The following MYO16 variants were observed in gnomAD, a reference collection of about 807,000 sequenced individuals.
The protein encoded by MYO16 is myosin XVI, also known as unconventional myosin-XVI.
MYO16 carries 94 observed loss-of-function variants against 205.3 expected under a neutral mutation model. The ratio of observed to expected loss-of-function variants is 0.46; its 90% CI spans 0.39 to 0.54. The LOEUF (loss-of-function observed/expected upper bound fraction) is 0.54. MYO16 is among the 20% of genes least tolerant of loss of function. The pLI, the probability that MYO16 is intolerant of heterozygous loss-of-function variation, is 0.00. For missense variants in MYO16, 2,315 were observed against 2,387.5 expected (o/e 0.97, Z 0.63); for synonymous variants, 988 against 954.0 (o/e 1.04, Z -0.66).
At chr13:108,688,618 G>A (rs115110841) in intron 2 of MYO16, among the ~76,000 whole-genome samples, 200 of 152,228 alleles carry the variant, frequency 1.3e-3, no homozygotes, top group African/African-American at 4.7e-3. Flanking sequence ...TTCATAAATA[G>A]ATGTTATTTT....
intron 4 of MYO16, among the ~76,000 whole-genome samples, chr13:108,740,761 C>T (rs577903068): frequency 1.1e-4 from 16 of 152,278 alleles, no homozygotes; most frequent in Admixed American, 5.2e-4. Flanking sequence ...GGCAGGCCTC[C>T]TTGAGCTGTG....
intron 7 of MYO16, among the ~76,000 whole-genome samples, chr13:108,816,038 A>C (rs138439215): frequency 1.3e-5 from 2 of 152,338 alleles, no homozygotes; most frequent in Non-Finnish European, 2.9e-5. Flanking sequence ...TCTCAAGGCA[A>C]TTCAATAAGA....
At position 109,122,686 on chromosome 13, in the gene MYO16, CAA is replaced by C. The variant is rs34459718; in HGVS notation, c.3535+2236_3535+2237del. On this transcript the variant is annotated intron_variant, in intron 29 of 34. Transcript: ENST00000457511. ...TGGCAACAAGAGTGAAACTCTGTCT[CAA>C]AAAAAAAAAAAAAAATGGTCTTAAA... 8.2e-4 allele frequency among the ~76,000 whole-genome samples: 81 copies of C among 99,064 alleles called. 1 individual carries two copies. In the East Asian group the frequency reaches 0.016, roughly 20 times the overall value. 65.0% of individuals were successfully genotyped at this position (99,064 alleles called of 152,430 possible).
chr13:108,521,501 G>A, the MYO16 span, among the ~76,000 whole-genome samples: 43 of 152,168 alleles, frequency 2.8e-4, no homozygotes, highest in African/African-American at 9.7e-4. Flanking sequence ...TGTTAGAGGG[G>A]AAGAGTCTTG....
chr13:108,578,625 C>T, the MYO16 span, among the ~76,000 whole-genome samples: 5 of 152,198 alleles, frequency 3.3e-5, no homozygotes, highest in African/African-American at 9.6e-5. Context: ...CCCTCCTTGC[C>T]TCATCTTCCC....
chr13:108,706,312 AG>A (rs1428355920), intron 2 of MYO16, among the ~76,000 whole-genome samples: 4 of 152,144 alleles, frequency 2.6e-5, no homozygotes, highest in African/African-American at 9.7e-5. Context: ...GAAAATATCC[AG>A]GGTAATATAT....
chr13:109,165,623 C>G (rs1031860580), intron 33 of MYO16, among the ~76,000 whole-genome samples: 1 of 152,148 alleles, frequency 6.6e-6, no homozygotes, highest in African/African-American at 2.4e-5. Flanking sequence ...CTGGGAAAAG[C>G]ATGTTTGTTT....
chr13:108,967,817 G>C lies in MYO16; in HGVS notation c.2369+2915G>C, dbSNP rs187269051. Reference sequence around the variant, plus strand: ...ATAGCTAAAAATGACACAGTTTATTGTTAAAACGATGACTCTAGGAAAATG... The same window carrying C: ...ATAGCTAAAAATGACACAGTTTATTCTTAAAACGATGACTCTAGGAAAATG... On this transcript the variant is annotated intron_variant, in intron 20 of 34. Transcript: ENST00000457511. Among the ~76,000 whole-genome samples, 102 of 152,244 alleles carry C rather than the reference G, an allele frequency of 6.7e-4. No homozygotes were observed. In the East Asian group the frequency reaches 9.5e-3, roughly 14 times the overall value.
At chr13:108,604,973 C>T (rs976431954) in intron 1 of MYO16, among the ~76,000 whole-genome samples, 1 of 152,152 alleles carries the variant, frequency 6.6e-6, no homozygotes, top group Non-Finnish European at 1.5e-5. Flanking sequence ...CAGGATGATC[C>T]ACTTTTGAAA....
At chr13:109,074,109 T>G (rs1888013260) in intron 27 of MYO16, among the ~76,000 whole-genome samples, 1 of 152,218 alleles carries the variant, frequency 6.6e-6, no homozygotes, top group East Asian at 1.9e-4. Flanking sequence ...TTAACAATTT[T>G]AACAGTTTTA....
rs73616416 is a variant in MYO16, at chr13:108,930,056, T to A, written c.1925+19906T>A. Among the ~76,000 whole-genome samples, 1,353 of 152,326 alleles carry A rather than the reference T, an allele frequency of 8.9e-3. 13 individuals carry two copies. The highest frequency in any genetic ancestry group is 0.03 in the African/African-American group (1,258 of 41,570). On this transcript the variant is annotated intron_variant, in intron 16 of 34. Transcript: ENST00000457511. ...TTTTCATAATTTTAAATGCCCATAA[T>A]CTTATTTATTTTATAGGTATGTACA...
At chr13:108,733,917 C>T (rs1423292270) in intron 4 of MYO16, among the ~76,000 whole-genome samples, 3 of 152,106 alleles carry the variant, frequency 2.0e-5, no homozygotes, top group Admixed American at 6.5e-5. Flanking sequence ...TGCAGTGAGC[C>T]GAGATCGCGC....
At chr13:108,817,439 G>C (rs896355000) in intron 7 of MYO16, among the ~76,000 whole-genome samples, 2 of 152,172 alleles carry the variant, frequency 1.3e-5, no homozygotes, top group African/African-American at 2.4e-5. Flanking sequence ...TTATTTATCT[G>C]AAGTTTAAGA....
chr13:108,739,359 T>C (rs1247926666), intron 4 of MYO16, among the ~76,000 whole-genome samples: 1 of 152,208 alleles, frequency 6.6e-6, no homozygotes, highest in Non-Finnish European at 1.5e-5. Flanking sequence ...CAGTGTTTGC[T>C]TATCTGTAAA....
chr13:109,085,255 A>G (rs900564312), intron 27 of MYO16, among the ~76,000 whole-genome samples: 13 of 152,194 alleles, frequency 8.5e-5, no homozygotes, highest in Admixed American at 2.0e-4. Context: ...AATTAACTAG[A>G]TAGGGCATGA....
chr13:108,901,323 G>A (rs989256493), intron 15 of MYO16, among the ~76,000 whole-genome samples: 10 of 151,960 alleles, frequency 6.6e-5, no homozygotes, highest in South Asian at 2.1e-4. Flanking sequence ...CTGGTTTTAC[G>A]GCTCAGGGGG....
At chr13:108,707,550 CG>C (rs1566562392) in intron 2 of MYO16, among the ~76,000 whole-genome samples, 1 of 152,088 alleles carries the variant, frequency 6.6e-6, no homozygotes, top group African/African-American at 2.4e-5. Context: ...CTGATTATTC[CG>C]GATCCATGTA....
intron 2 of MYO16, among the ~76,000 whole-genome samples, chr13:108,669,580 T>C (rs1251000055): frequency 1.3e-5 from 2 of 152,162 alleles, no homozygotes; most frequent in African/African-American, 2.4e-5. Flanking sequence ...CCAGTGATGA[T>C]GAGCTTTGTA....
chr13:108,748,129 T>G (rs759413174), intron 4 of MYO16, among the ~76,000 whole-genome samples: 2 of 152,052 alleles, frequency 1.3e-5, no homozygotes, highest in Non-Finnish European at 1.5e-5. Context: ...ACCTTAAAAA[T>G]TTTAAAGTAG....
Sources: gnomAD v4.1 joint callset for allele counts (sites outside exome capture counted in the v4.1 genomes callset) on GRCh38, gnomAD v4.1.1 for gene constraint, MANE v1.5 for transcripts, NCBI Gene and HGNC (gene_info 2026-07-23, HGNC 2026-07-21) for gene names.